LONRF3: variants seen among roughly 807,000 people sequenced by gnomAD.
LONRF3 encodes LON peptidase N-terminal domain and RING finger protein 3.
In LONRF3, 19 loss-of-function variants were observed where a neutral mutation model predicts 51.7. The ratio of observed to expected loss-of-function variants is 0.37; its 90% confidence interval spans 0.26 to 0.54. LONRF3 has a LOEUF of 0.54. LONRF3 is among the 20% of genes least tolerant of loss of function. LONRF3 has a pLI of 0.86. For synonymous variants in LONRF3, 265 were observed against 257.8 expected (o/e 1.03, Z -0.27); for missense variants, 521 against 623.9 (o/e 0.84, Z 1.76).
chrX:118,979,194 A>G (rs1422517675), intron 2 of LONRF3, among the ~76,000 whole-genome samples: 1 of 108,495 alleles, frequency 9.2e-6, no homozygotes, highest in Non-Finnish European at 1.9e-5. Flanking sequence ...TTGTAGAGAC[A>G]GGTTTTCACC....
intron 8 of LONRF3, among the ~76,000 whole-genome samples, chrX:119,012,556 C>A (rs1439631195): frequency 9.0e-6 from 1 of 110,876 alleles, no homozygotes; most frequent in Admixed American, 9.7e-5. Flanking sequence ...CAAGGGCCTT[C>A]TTCCTTTATC....
intron 1 of LONRF3, among the ~76,000 whole-genome samples, chrX:118,977,143 C>A (rs1317582675): frequency 9.2e-6 from 1 of 108,324 alleles, no homozygotes; most frequent in Admixed American, 1.0e-4. Context: ...AATGGGCACG[C>A]AAGCAAGCCC....
chrX:119,011,711 G>T, intron 7 of LONRF3, 104 bp from the exon 8 acceptor site: 1 of 835,357 alleles, frequency 1.2e-6, no homozygotes, highest in Non-Finnish European at 1.7e-6. Flanking sequence ...AACAAACTTG[G>T]TGTCTCTGCC....
Position 118,989,550 on chromosome X carries a change from G to T in LONRF3, c.1202G>T (p.Trp401Leu), listed in dbSNP as rs76155459. ...MKDQEEEEEK[W>L]DATSPKAASS... ...GACCAGGAAGAAGAGGAGGAGAAGT[G>T]GGATGCTACCTCTCCAAAAGCTGCT... Residue 401 changes from tryptophan (W) to leucine (L), a missense_variant, in exon 4 of 11, where the codon TGG becomes TTG. Coordinates refer to ENST00000371628, the MANE Select transcript of LONRF3 (RefSeq NM_001031855.3). The T allele has an allele frequency of 5.7e-4, 687 of 1,209,231 alleles. 3 individuals carry two copies. In the African/African-American group the frequency reaches 0.011, roughly 20 times the overall value.
intron 2 of LONRF3, among the ~76,000 whole-genome samples, chrX:118,982,182 C>T (rs899307113): frequency 1.5e-4 from 17 of 111,832 alleles, no homozygotes; most frequent in African/African-American, 4.9e-4. Context: ...GATCCAGGCC[C>T]CTAGGAGAGT....
chrX:118,999,087 G>A (rs1000374926), intron 5 of LONRF3, among the ~76,000 whole-genome samples: 3 of 112,641 alleles, frequency 2.7e-5, no homozygotes, highest in South Asian at 3.7e-4. Flanking sequence ...CTGAATGATC[G>A]TTGTTGGATG....
At chrX:119,011,409 A>G (rs992166086) in intron 7 of LONRF3, among the ~76,000 whole-genome samples, 11 of 111,542 alleles carry the variant, frequency 9.9e-5, no homozygotes, top group Admixed American at 7.7e-4. Context: ...GTCCACTTCT[A>G]TCATCAGCAA....
intron 3 of LONRF3, among the ~76,000 whole-genome samples, chrX:118,983,660 GGGTAAT>G (rs1382811179): frequency 8.9e-6 from 1 of 112,284 alleles, no homozygotes; most frequent in African/African-American, 3.2e-5. Flanking sequence ...GCTGGTGTCT[GGGTAAT>G]CGGCCTGTAA....
chrX:119,002,805 T>A (rs1006741148), intron 5 of LONRF3, among the ~76,000 whole-genome samples: 5 of 111,128 alleles, frequency 4.5e-5, no homozygotes, highest in African/African-American at 1.6e-4. Flanking sequence ...TTTTTTATTT[T>A]TTTTTTATTT....
At chrX:118,982,102 T>C (rs376087073) in intron 2 of LONRF3, among the ~76,000 whole-genome samples, 99 of 112,088 alleles carry the variant, frequency 8.8e-4, no homozygotes, top group African/African-American at 2.7e-3. Flanking sequence ...CCCAGAGCAG[T>C]TGGGCTTGGG....
chrX:118,983,742 GC>G (rs1344116514), intron 3 of LONRF3, among the ~76,000 whole-genome samples: 2 of 112,023 alleles, frequency 1.8e-5, no homozygotes, highest in African/African-American at 6.5e-5. Flanking sequence ...TCACCGCGGA[GC>G]CTTACGGTTT....
At chrX:119,010,490 T>A (rs780418381) in intron 7 of LONRF3, among the ~76,000 whole-genome samples, 51 of 111,599 alleles carry the variant, frequency 4.6e-4, no homozygotes, top group Non-Finnish European at 7.7e-4. Context: ...AATCGTTTTT[T>A]TTTTCTCATT....
intron 5 of LONRF3, among the ~76,000 whole-genome samples, chrX:119,005,708 G>A (rs1924659657): frequency 1.8e-5 from 2 of 111,742 alleles, no homozygotes; most frequent in Admixed American, 9.5e-5. Flanking sequence ...AAATGTGTAA[G>A]AGAGAGAATG....
intron 5 of LONRF3, among the ~76,000 whole-genome samples, chrX:119,003,646 G>T (rs941153333): frequency 8.9e-6 from 1 of 112,471 alleles, no homozygotes; most frequent in Non-Finnish European, 1.9e-5. Context: ...TATATGTTCT[G>T]TAATCTGGTA....
At chrX:119,000,009 T>C (rs1228130217) in intron 5 of LONRF3, among the ~76,000 whole-genome samples, 2 of 112,281 alleles carry the variant, frequency 1.8e-5, no homozygotes, top group African/African-American at 6.5e-5. Flanking sequence ...AAGTTAGACA[T>C]TGGATGTTGA....
rs762920614 is a variant in LONRF3 at position 119,017,608 on chromosome X, C to T, written c.2198C>T (p.Pro733Leu). Residue 733 changes from proline to leucine, a missense_variant, in exon 11 of 11, where the codon CCC becomes CTC. Transcript: ENST00000371628. ...VLPLESRAQL[P>L]FLAMRSLKDR... is the part of the protein sequence containing the mutation. ...CCCTTGGAAAGCCGAGCTCAGCTCC[C>T]CTTCCTAGCAATGAGGTCCTTAAAG... 1 of 1,210,678 alleles carries T rather than the reference C, an allele frequency of 8.3e-7. No individual in the cohort carries two copies. Among genetic ancestry groups the T allele is most frequent in the Non-Finnish European group, 1.1e-6 (1 of 894,852 alleles).
intron 5 of LONRF3, among the ~76,000 whole-genome samples, chrX:119,004,708 G>T (rs1425549746): frequency 3.6e-5 from 4 of 111,822 alleles, no homozygotes; most frequent in Non-Finnish European, 7.5e-5. Context: ...ATTTGGGAGG[G>T]ATGGGTATGT....
At chrX:118,983,335 T>G (rs1173679337) in intron 3 of LONRF3, among the ~76,000 whole-genome samples, 1 of 111,760 alleles carries the variant, frequency 8.9e-6, no homozygotes, top group East Asian at 2.8e-4. Context: ...TAACTTTTCT[T>G]TGGCTGAATC....
intron 5 of LONRF3, among the ~76,000 whole-genome samples, chrX:119,001,827 T>A (rs1924339230): frequency 8.9e-6 from 1 of 112,852 alleles, no homozygotes; most frequent in Non-Finnish European, 1.9e-5. Flanking sequence ...GCCAGCTATA[T>A]CTTTGTTATT....
Sources: gnomAD v4.1 joint callset for allele counts (sites outside exome capture counted in the v4.1 genomes callset) on GRCh38, gnomAD v4.1.1 for gene constraint, MANE v1.5 for transcripts, NCBI Gene and HGNC (gene_info 2026-07-23, HGNC 2026-07-21) for gene names.